The following FRMD5 variants were observed in gnomAD, a reference collection of about 807,000 sequenced individuals.
The protein encoded by FRMD5 is FERM domain-containing protein 5.
FRMD5 carries 20 observed loss-of-function variants against 69.0 expected under a neutral mutation model. That is an observed-to-expected ratio of 0.29 (90% confidence interval 0.20 to 0.42). The LOEUF (loss-of-function observed/expected upper bound fraction) is 0.42. Among genes scored for constraint, FRMD5 ranks in the 10% least tolerant of loss-of-function variants. FRMD5 has a pLI of 1.00. For missense variants in FRMD5, 595 were observed against 708.6 expected (o/e 0.84, Z 1.82); for synonymous variants, 271 against 260.1 (o/e 1.04, Z -0.40).
upstream of FRMD5, among the ~76,000 whole-genome samples, chr15:44,198,194 C>T (rs2078323272): frequency 1.3e-5 from 2 of 151,754 alleles, 1 homozygote; most frequent in South Asian, 4.2e-4. Context: ...TGTGGTGGCA[C>T]ACACCTGTAG....
At chr15:43,912,440 G>C (rs951344024) in intron 4 of FRMD5, among the ~76,000 whole-genome samples, 1 of 152,060 alleles carries the variant, frequency 6.6e-6, no homozygotes, top group Non-Finnish European at 1.5e-5. Context: ...GCCTCTCACT[G>C]TTCCAACTCC....
chr15:44,091,575 T>C (rs921259454), intron 1 of FRMD5, among the ~76,000 whole-genome samples: 11 of 152,158 alleles, frequency 7.2e-5, no homozygotes, highest in Non-Finnish European at 1.3e-4. Flanking sequence ...AGCACATTAA[T>C]GTGAACAAGA....
chr15:44,126,131 C>G (rs2077021907), intron 1 of FRMD5, among the ~76,000 whole-genome samples: 1 of 152,172 alleles, frequency 6.6e-6, no homozygotes, highest in Non-Finnish European at 1.5e-5. Flanking sequence ...GAACCTCCTC[C>G]CAAGAGATAA....
At chr15:43,947,641 C>T (rs550032301) in intron 1 of FRMD5, among the ~76,000 whole-genome samples, 2 of 152,090 alleles carry the variant, frequency 1.3e-5, no homozygotes, top group East Asian at 1.9e-4. Flanking sequence ...CATCATGGAC[C>T]GAGGTGAGGA....
chr15:44,149,138 T>C (rs1385123384), intron 1 of FRMD5, among the ~76,000 whole-genome samples: 1 of 152,102 alleles, frequency 6.6e-6, no homozygotes, highest in Non-Finnish European at 1.5e-5. Context: ...CCAGAAGGAA[T>C]GGGGACAGAA....
At chr15:44,068,490 C>T (rs770805314) in intron 1 of FRMD5, among the ~76,000 whole-genome samples, 1 of 152,112 alleles carries the variant, frequency 6.6e-6, no homozygotes, top group Non-Finnish European at 1.5e-5. Context: ...AAGCCAGACA[C>T]AAAAGGCCAC....
intron 1 of FRMD5, among the ~76,000 whole-genome samples, chr15:44,184,813 C>A (rs1404407117): frequency 2.6e-5 from 4 of 152,068 alleles, no homozygotes; most frequent in African/African-American, 9.7e-5. Flanking sequence ...GTCTTTCAGC[C>A]AGAAAGTAGC....
At chr15:43,882,493 G>T (rs1384956963) in intron 13 of FRMD5, among the ~76,000 whole-genome samples, 1 of 152,022 alleles carries the variant, frequency 6.6e-6, no homozygotes, top group African/African-American at 2.4e-5. Context: ...CAAGTAGCTG[G>T]GATTACAGGC....
At chr15:44,009,045 A>G (rs1328781057) in intron 1 of FRMD5, among the ~76,000 whole-genome samples, 1 of 152,132 alleles carries the variant, frequency 6.6e-6, no homozygotes, top group Non-Finnish European at 1.5e-5. Context: ...AACAACAATA[A>G]CAAAAAATTA....
chr15:43,989,671 G>T, intron 1 of FRMD5: 1 of 940,702 alleles, frequency 1.1e-6, no homozygotes. Flanking sequence ...TGGCATGGGG[G>T]AGGGCATACT....
At chr15:43,975,355 AAAAC>A (rs1031568545) in intron 1 of FRMD5, among the ~76,000 whole-genome samples, 48 of 152,352 alleles carry the variant, frequency 3.2e-4, no homozygotes, top group African/African-American at 1.2e-3. Flanking sequence ...CACTATCAAT[AAAAC>A]AAACAAACAC....
At position 43,988,274 on chromosome 15, in the gene FRMD5, A is replaced by G. The variant is rs1360914112; in HGVS notation, c.103-63965T>C. The stretch of plus-strand genomic sequence containing the variant: ...ATTCCCTTAAGCCAAAACCTAATAC[A>G]GAGCAAGGTCTCCAGAATTGAGGCA... On this transcript the variant is annotated intron_variant, in intron 1 of 13. Coordinates refer to ENST00000417257, the MANE Select transcript of FRMD5 (RefSeq NM_032892.5). Among the ~76,000 whole-genome samples the G allele has an allele frequency of 2.0e-5, 3 of 152,150 alleles. No individual in the cohort carries two copies. In the East Asian group the frequency reaches 5.8e-4, roughly 29 times the overall value.
chr15:44,005,698 C>A (rs1890414095), intron 1 of FRMD5, among the ~76,000 whole-genome samples: 1 of 152,014 alleles, frequency 6.6e-6, no homozygotes, highest in Non-Finnish European at 1.5e-5. Flanking sequence ...GTGCTACACA[C>A]TTTTAAACAA....
intron 13 of FRMD5, chr15:43,879,671 G>A: frequency 2.5e-6 from 1 of 399,088 alleles, no homozygotes; most frequent in East Asian, 3.6e-5. Flanking sequence ...TCTTCCCCAT[G>A]GTGGCCCAGG....
Position 44,094,954 on chromosome 15 carries a change from T to C in FRMD5, c.102+99999A>G, listed in dbSNP as rs74382394. 4.7e-3 allele frequency among the ~76,000 whole-genome samples: 717 copies of C among 152,138 alleles called. 11 individuals carry two copies. The highest frequency in any genetic ancestry group is 0.017 in the African/African-American group (686 of 41,500). ...TATATCCATGGATATAACATGACCA[T>C]GATCCAGTGATTCACGATGCATTAC... On this transcript the variant is annotated intron_variant, in intron 1 of 13. Coordinates refer to ENST00000417257, the MANE Select transcript of FRMD5 (RefSeq NM_032892.5).
At chr15:44,156,203 G>A (rs1248517674) in intron 1 of FRMD5, among the ~76,000 whole-genome samples, 1 of 152,034 alleles carries the variant, frequency 6.6e-6, no homozygotes, top group African/African-American at 2.4e-5. Context: ...GAGTGCAGTG[G>A]CATGATCTCG....
chr15:44,028,740 G>A (rs982332999), intron 1 of FRMD5, among the ~76,000 whole-genome samples: 2 of 152,172 alleles, frequency 1.3e-5, no homozygotes, highest in African/African-American at 4.8e-5. Context: ...ACATATTTCA[G>A]CCCTAAATGA....
At chr15:43,951,247 T>C (rs946855879) in intron 1 of FRMD5, among the ~76,000 whole-genome samples, 6 of 151,852 alleles carry the variant, frequency 4.0e-5, no homozygotes, top group African/African-American at 9.7e-5. Context: ...GGTGAAACCC[T>C]GTCTGTACTG....
chr15:43,921,158 T>C lies in FRMD5; in HGVS notation c.208-1349A>G, dbSNP rs940986289. On this transcript the variant is annotated intron_variant, in intron 2 of 13. Coordinates refer to ENST00000417257, the MANE Select transcript of FRMD5 (RefSeq NM_032892.5). The stretch of plus-strand genomic sequence containing the variant: ...AGGGAGGCAAAGGCAAGAGATGAAA[T>C]TGCTCAGAAACAACTGGGGTTCCAG... 2.0e-5 allele frequency among the ~76,000 whole-genome samples: 3 copies of C among 152,086 alleles called. No homozygotes were observed. In the East Asian group the frequency reaches 5.8e-4, roughly 29 times the overall value.
Sources: gnomAD v4.1 joint callset for allele counts (sites outside exome capture counted in the v4.1 genomes callset) on GRCh38, gnomAD v4.1.1 for gene constraint, MANE v1.5 for transcripts, NCBI Gene and HGNC (gene_info 2026-07-23, HGNC 2026-07-21) for gene names.